RBFOX1: variants seen among roughly 807,000 people sequenced by gnomAD.
RBFOX1 encodes the protein RNA binding fox-1 homolog 1, also known as RNA binding protein fox-1 homolog 1.
RBFOX1 carries 8 observed loss-of-function variants against 57.7 expected under a neutral mutation model. The ratio of observed to expected loss-of-function variants is 0.14; its 90% CI spans 0.08 to 0.25. The LOEUF (loss-of-function observed/expected upper bound fraction) is 0.25, where lower values mean the gene tolerates loss of function less well. Ranked by LOEUF, RBFOX1 falls within the 10% of genes least tolerant of loss-of-function variation. The probability of loss-of-function intolerance (pLI) is 1.00; values close to 1 mark genes in which losing one functional copy is unlikely to be tolerated. For missense variants in RBFOX1, 611 were observed against 548.5 expected, an observed-to-expected ratio of 1.11 and a Z score of -1.14; for synonymous variants, 326 against 222.4, an observed-to-expected ratio of 1.47 and a Z score of -4.15.
At chr16:5,843,847 C>A (rs777444838) in intron 3 of RBFOX1, among the ~76,000 whole-genome samples, 2 of 152,198 alleles carry the variant, frequency 1.3e-5, no homozygotes, top group African/African-American at 2.4e-5. Context: ...TGAGAGAACA[C>A]AAAGAGGAAC....
At chr16:6,752,222 G>A (rs2075062563) in intron 3 of RBFOX1, among the ~76,000 whole-genome samples, 1 of 152,118 alleles carries the variant, frequency 6.6e-6, no homozygotes, top group Non-Finnish European at 1.5e-5. Context: ...GCAACATTAA[G>A]ATAGAAAAGT....
At chr16:6,403,816 A>G (rs188552791) in intron 2 of RBFOX1, among the ~76,000 whole-genome samples, 5 of 152,232 alleles carry the variant, frequency 3.3e-5, no homozygotes, top group Admixed American at 1.3e-4. Context: ...ACCCCTGAGA[A>G]TTACTATATT....
intron 1 of RBFOX1, among the ~76,000 whole-genome samples, chr16:6,236,652 T>C (rs1163859504): frequency 2.6e-5 from 4 of 152,110 alleles, no homozygotes; most frequent in Non-Finnish European, 5.9e-5. Flanking sequence ...GGTTTCACCA[T>C]GTTGTCCAGG....
At chr16:7,352,204 G>T (rs2097141332) in intron 4 of RBFOX1, among the ~76,000 whole-genome samples, 1 of 152,140 alleles carries the variant, frequency 6.6e-6, no homozygotes. Context: ...CAGCTTTGAG[G>T]TGGAAAACAT....
intron 3 of RBFOX1, among the ~76,000 whole-genome samples, chr16:6,780,262 T>TTTAC (rs2080590065): frequency 1.2e-5 from 1 of 82,686 alleles, no homozygotes; most frequent in Non-Finnish European, 2.0e-5. Context: ...TTTATATATA[T>TTTAC]ATTTATACAT....
At chr16:7,078,000 G>A (rs952941361) in intron 4 of RBFOX1, among the ~76,000 whole-genome samples, 1 of 152,078 alleles carries the variant, frequency 6.6e-6, no homozygotes, top group Non-Finnish European at 1.5e-5. Context: ...TCTGGGGCCC[G>A]GTGAATGGAG....
intron 2 of RBFOX1, among the ~76,000 whole-genome samples, chr16:6,640,797 G>A (rs1267790568): frequency 1.3e-5 from 2 of 152,076 alleles, no homozygotes; most frequent in African/African-American, 2.4e-5. Context: ...CCTTGAACCA[G>A]AATACGTTCT....
At chr16:7,173,468 T>C (rs2081091659) in intron 4 of RBFOX1, among the ~76,000 whole-genome samples, 1 of 152,064 alleles carries the variant, frequency 6.6e-6, no homozygotes, top group South Asian at 2.1e-4. Flanking sequence ...GAATGTTTTG[T>C]GTGAACACGA....
intron 4 of RBFOX1, among the ~76,000 whole-genome samples, chr16:7,419,160 G>A (rs1305958905): frequency 6.6e-6 from 1 of 152,090 alleles, no homozygotes; most frequent in East Asian, 1.9e-4. Context: ...CACCCACCGT[G>A]GCCTCCCAAA....
intron 1 of RBFOX1, among the ~76,000 whole-genome samples, chr16:5,450,531 C>T (rs112202899): frequency 6.6e-6 from 1 of 152,274 alleles, no homozygotes; most frequent in African/African-American, 2.4e-5. Context: ...AAGGCGTTGG[C>T]GCTGCTAGGA....
At chr16:5,305,830 G>C (rs1352087180) in intron 1 of RBFOX1, among the ~76,000 whole-genome samples, 1 of 152,148 alleles carries the variant, frequency 6.6e-6, no homozygotes, top group Non-Finnish European at 1.5e-5. Context: ...GGCCTAGGTG[G>C]GGGGATTGCT....
chr16:6,815,108 G>A (rs1209017615), intron 3 of RBFOX1, among the ~76,000 whole-genome samples: 2 of 152,112 alleles, frequency 1.3e-5, no homozygotes, highest in South Asian at 2.1e-4. Context: ...CCCCATTTCC[G>A]ACCATATAGC....
At chr16:6,816,416 C>T (rs1480750424) in intron 3 of RBFOX1, among the ~76,000 whole-genome samples, 1 of 147,558 alleles carries the variant, frequency 6.8e-6, no homozygotes, top group Non-Finnish European at 1.5e-5. Context: ...CTGGCCCCTT[C>T]ATGTAATTTT....
chr16:7,039,463 A>G (rs906227924), intron 3 of RBFOX1, among the ~76,000 whole-genome samples: 1 of 152,202 alleles, frequency 6.6e-6, no homozygotes, highest in Non-Finnish European at 1.5e-5. Flanking sequence ...AACATGAGAC[A>G]GAATCAAGTT....
chr16:6,065,588 T>C (rs933285675), intron 1 of RBFOX1, among the ~76,000 whole-genome samples: 1 of 152,194 alleles, frequency 6.6e-6, no homozygotes, highest in African/African-American at 2.4e-5. Context: ...TCTTAGCAGA[T>C]ACAGAAACAA....
At chr16:7,021,266 T>C (rs1353751030) in intron 3 of RBFOX1, among the ~76,000 whole-genome samples, 1 of 151,184 alleles carries the variant, frequency 6.6e-6, no homozygotes, top group Non-Finnish European at 1.5e-5. Flanking sequence ...TGGTTACTAC[T>C]TGAGTCCTCT....
chr16:5,729,784 A>C (rs2052294883), intron 3 of RBFOX1, among the ~76,000 whole-genome samples: 1 of 152,170 alleles, frequency 6.6e-6, no homozygotes. Flanking sequence ...GGTTTCTCCA[A>C]GTGTTAAGGT....
chr16:6,977,937 G>GGAAAAAAAAAA lies in RBFOX1; in HGVS notation c.-15-74120_-15-74119insGAAAAAAAAAA, dbSNP rs774553742. The stretch of plus-strand genomic sequence containing the variant: ...AACTGCCTCTTCCAGCCTCCCCAGG[G>GGAAAAAAAAAA]AAAAAAAAAAAAAAGGCAAACCTCC... On this transcript the variant is annotated intron_variant, in intron 3 of 15. Transcript: ENST00000550418. Among the ~76,000 whole-genome samples the GGAAAAAAAAAA allele has an allele frequency of 2.4e-4, 19 of 79,476 alleles. 1 individual carries two copies. The highest frequency in any genetic ancestry group is 7.2e-4 in the African/African-American group (17 of 23,702). 52.1% of individuals were successfully genotyped at this position (79,476 alleles called of 152,430 possible).
At chr16:5,984,560 A>T (rs1023318231) in intron 4 of RBFOX1, among the ~76,000 whole-genome samples, 3 of 152,132 alleles carry the variant, frequency 2.0e-5, no homozygotes, top group African/African-American at 7.2e-5. Context: ...CCCTTGGAAC[A>T]ATCTTATGAG....
Sources: allele counts gnomAD v4.1 joint callset (sites outside exome capture counted in the v4.1 genomes callset), GRCh38; gene constraint gnomAD v4.1.1; transcripts MANE v1.5; gene names NCBI Gene and HGNC (gene_info 2026-07-23, HGNC 2026-07-21).